The following MYLK variants were observed in gnomAD, a reference collection of about 807,000 sequenced individuals.
The protein encoded by MYLK is myosin light chain kinase.
A neutral mutation model predicts 203.4 loss-of-function variants in MYLK; 106 were observed. That is an observed-to-expected ratio of 0.52 (90% CI 0.45 to 0.61). The LOEUF is 0.61. Among genes scored for constraint, MYLK ranks in the 20% least tolerant of loss-of-function variants. MYLK has a pLI of 0.00. For missense variants in MYLK, 2,072 were observed against 2,442.3 expected (o/e 0.85, Z 3.20); for synonymous variants, 867 against 959.5 (o/e 0.90, Z 1.78).
chr3:123,738,734 A>G (rs964844540), intron 7 of MYLK, among the ~76,000 whole-genome samples, 163 bp downstream of exon 7: 1 of 152,180 alleles, frequency 6.6e-6, no homozygotes, highest in African/African-American at 2.4e-5. Context: ...TTGGCTCCTC[A>G]TTCACCTTCT....
intron 32 of MYLK, 96 bp downstream of exon 32, chr3:123,620,111 A>G: frequency 9.1e-7 from 1 of 1,093,438 alleles, no homozygotes; most frequent in East Asian, 2.4e-5. Context: ...TATTAAAATA[A>G]AAAAAAAAAG....
At position 123,820,652 on chromosome 3, in the gene MYLK, T is replaced by TTCCTTCCTTCCTTCCTTCCC. The variant is rs1560259959; in HGVS notation, c.-4+10895_-4+10896insGGGAAGGAAGGAAGGAAGGA. On this transcript the variant is annotated intron_variant, in intron 3 of 33. Coordinates refer to ENST00000360304, the MANE Select transcript of MYLK (RefSeq NM_053025.4). ...CTTCCTTCCTTCCTTCCCTCCTTCC[T>TTCCTTCCTTCCTTCCTTCCC]TCCTTCCTTCCCTCCTTCCTTCCTT... Among the ~76,000 whole-genome samples the TTCCTTCCTTCCTTCCTTCCC allele has an allele frequency of 3.1e-4, 35 of 113,924 alleles. 2 individuals are homozygous for TTCCTTCCTTCCTTCCTTCCC. The South Asian group carries it at 5.4e-3, about 18-fold the overall frequency. 74.7% of individuals were successfully genotyped at this position (113,924 alleles called of 152,430 possible). A position where few individuals can be genotyped will look rare whatever the true frequency, so the allele number is the denominator to read the frequency against.
chr3:123,758,674 G>A (rs775774958), intron 4 of MYLK, among the ~76,000 whole-genome samples: 1 of 152,128 alleles, frequency 6.6e-6, no homozygotes, highest in Non-Finnish European at 1.5e-5. Context: ...TACAATTCAA[G>A]CCCTTCTGGA....
At chr3:123,860,228 C>T (rs949977432) in intron 2 of MYLK, among the ~76,000 whole-genome samples, 2 of 152,180 alleles carry the variant, frequency 1.3e-5, no homozygotes, top group Admixed American at 6.5e-5. Flanking sequence ...GGCTCCAGAC[C>T]AGAGGTGTAG....
intron 12 of MYLK, among the ~76,000 whole-genome samples, chr3:123,722,757 C>T (rs2062141100): frequency 6.6e-6 from 1 of 152,104 alleles, no homozygotes; most frequent in Admixed American, 6.5e-5. Context: ...TTAGATGTCT[C>T]CAGAAACAAC....
chr3:123,650,014 C>T (rs763008882), intron 24 of MYLK, among the ~76,000 whole-genome samples: 6 of 152,178 alleles, frequency 3.9e-5, no homozygotes, highest in East Asian at 1.9e-4. Flanking sequence ...CTCCCATGGC[C>T]GTGTCAGGAG....
At chr3:123,628,342 G>A (rs2058255517) in intron 30 of MYLK, among the ~76,000 whole-genome samples, 1 of 152,154 alleles carries the variant, frequency 6.6e-6, no homozygotes, top group African/African-American at 2.4e-5. Context: ...TTCCTCAGGG[G>A]AGCCATCGGC....
Position 123,722,120 on chromosome 3 carries a change from G to A in MYLK, c.1804+8C>T, listed in dbSNP as rs820355. On this transcript the variant is annotated splice_region_variant and intron_variant, in intron 13 of 33. Transcript: ENST00000360304. The stretch of plus-strand genomic sequence containing the variant: ...GGTGCTTCTACCCAGGTGCCCAGAG[G>A]CTCCTACCATGGACGGTGACCCAGG... 0.98 allele frequency: 1,538,311 copies of A among 1,562,844 alleles called. 759,676 individuals are homozygous for A. Among genetic ancestry groups the A allele is most frequent in the East Asian group, 1 (41,866 of 41,868 alleles).
chr3:123,864,049 T>C (rs751854378), intron 2 of MYLK, among the ~76,000 whole-genome samples: 5 of 152,146 alleles, frequency 3.3e-5, no homozygotes, highest in Non-Finnish European at 7.4e-5. Flanking sequence ...CAAAACAACA[T>C]GGATAAATCT....
At chr3:123,784,277 T>C (rs2064416744) in intron 4 of MYLK, among the ~76,000 whole-genome samples, 1 of 152,104 alleles carries the variant, frequency 6.6e-6, no homozygotes, top group African/African-American at 2.4e-5. Context: ...ATCATATATG[T>C]ACATTTTCCA....
chr3:123,675,212 T>C (rs1177400068), intron 20 of MYLK, among the ~76,000 whole-genome samples: 1 of 152,218 alleles, frequency 6.6e-6, no homozygotes, highest in African/African-American at 2.4e-5. Flanking sequence ...CCACTCTAGA[T>C]AGGAGATTGA....
At position 123,620,270 on chromosome 3, in the gene MYLK, C is replaced by T. The variant is rs530450065; in HGVS notation, c.5305G>A (p.Gly1769Ser). ...GGTGACCCTGTTGAGGATTTCCTGC[C>T]ACTGAGCCCTGAGATCATTGCCATA... ...SSMAMISGLS[G>S]RKSSTGSPTS... The change falls in exon 32 of 34, where the codon GGC becomes AGC. Residue 1769 changes from glycine to serine, a missense_variant. Gly to Ser is a moderately conservative substitution (Grantham distance 56, BLOSUM62 0). Coordinates refer to ENST00000360304, the MANE Select transcript of MYLK (RefSeq NM_053025.4). The T allele has an allele frequency of 1.9e-6, 3 of 1,614,176 alleles. No individual in the cohort carries two copies. The highest frequency in any genetic ancestry group is 1.7e-5 in the Admixed American group (1 of 60,004).
At chr3:123,830,794 C>T (rs2066298392) in intron 3 of MYLK, among the ~76,000 whole-genome samples, 1 of 152,188 alleles carries the variant, frequency 6.6e-6, no homozygotes, top group Non-Finnish European at 1.5e-5. Context: ...AAACCACCTT[C>T]CTCACTGCTA....
chr3:123,723,144 T>C (rs966795393), intron 12 of MYLK, among the ~76,000 whole-genome samples: 5 of 151,316 alleles, frequency 3.3e-5, no homozygotes, highest in African/African-American at 7.2e-5. Context: ...GAAGCAACTG[T>C]CAGTTTCTTC....
chr3:123,853,554 G>GA (rs1356519707), intron 2 of MYLK, among the ~76,000 whole-genome samples: 1 of 152,122 alleles, frequency 6.6e-6, no homozygotes, highest in Admixed American at 6.6e-5. Flanking sequence ...TTTTTGAAGA[G>GA]AAATGTCTAT....
intron 3 of MYLK, among the ~76,000 whole-genome samples, chr3:123,814,574 T>C (rs1225370388): frequency 6.6e-6 from 1 of 152,364 alleles, no homozygotes; most frequent in East Asian, 1.9e-4. Context: ...TATGTACTTT[T>C]AAAAATAAAA....
At chr3:123,661,837 A>C (rs1309302706) in intron 23 of MYLK, among the ~76,000 whole-genome samples, 1 of 152,114 alleles carries the variant, frequency 6.6e-6, no homozygotes, top group Non-Finnish European at 1.5e-5. Context: ...GTCCAGGGAC[A>C]ATCTTCCAGG....
chr3:123,678,760 G>A (rs2108431534), intron 20 of MYLK, among the ~76,000 whole-genome samples: 1 of 152,174 alleles, frequency 6.6e-6, no homozygotes, highest in Non-Finnish European at 1.5e-5. Flanking sequence ...TACAGACTGT[G>A]CAATTCCATC....
chr3:123,715,328 A>T (rs1320718950), intron 13 of MYLK, among the ~76,000 whole-genome samples: 2 of 152,328 alleles, frequency 1.3e-5, no homozygotes, highest in Non-Finnish European at 2.9e-5. Flanking sequence ...CACCTGGACT[A>T]CTGTGGGCAG....
Sources: gnomAD v4.1 joint callset for allele counts (sites outside exome capture counted in the v4.1 genomes callset) on GRCh38, gnomAD v4.1.1 for gene constraint, MANE v1.5 for transcripts, NCBI Gene and HGNC (gene_info 2026-07-23, HGNC 2026-07-21) for gene names.